The following ANKRD26 variants were observed in gnomAD, a reference collection of about 807,000 sequenced individuals.
ANKRD26 encodes ankyrin repeat domain-containing protein 26.
A neutral mutation model predicts 208.7 loss-of-function variants in ANKRD26; 141 were observed. The ratio of observed to expected loss-of-function variants is 0.68; its 90% CI spans 0.59 to 0.78. The LOEUF (loss-of-function observed/expected upper bound fraction) is 0.78. ANKRD26 is among the 30% of genes least tolerant of loss of function. ANKRD26 has a pLI of 0.00. For synonymous variants in ANKRD26, 636 were observed against 660.4 expected (o/e 0.96, Z 0.57); for missense variants, 1,889 against 1,938.7 (o/e 0.97, Z 0.48).
chr10:27,017,590 C>T lies in ANKRD26; in HGVS notation c.4418G>A (p.Gly1473Asp), dbSNP rs766658322. The T allele has an allele frequency of 5.0e-6, 8 of 1,613,672 alleles. No individual in the cohort carries two copies. The South Asian group carries it at 6.6e-5, about 13-fold the overall frequency. ...CTCCTGTTTATACTGTTTGACTTGA[C>T]CAAGTTCTACCATATTCCTTTCTAT... ...SHIERNMVEL[G>D]QVKQYKQEIE... The change falls in exon 30 of 34, where the codon GGT becomes GAT. Residue 1473 changes from glycine to aspartate, a missense_variant. Around this residue, in one of 3 missense-constraint regions of ANKRD26, gnomAD observed 613 missense variants for 648.2 expected, o/e 0.95. Transcript: ENST00000376087.
At chr10:27,058,859 A>G (rs1031501795) in intron 15 of ANKRD26, among the ~76,000 whole-genome samples, 2 of 151,744 alleles carry the variant, frequency 1.3e-5, no homozygotes, top group Non-Finnish European at 2.9e-5. Context: ...TATAGGCGTG[A>G]GGCACCGCGC....
chr10:27,049,766 T>C (rs957948030), intron 16 of ANKRD26, among the ~76,000 whole-genome samples: 5 of 152,218 alleles, frequency 3.3e-5, no homozygotes, highest in African/African-American at 1.2e-4. Context: ...TGGCATTATC[T>C]AGCACTTTAT....
chr10:26,992,317 C>A (rs2052501235), intron 5 of ANKRD26, among the ~76,000 whole-genome samples: 1 of 152,020 alleles, frequency 6.6e-6, no homozygotes, highest in African/African-American at 2.4e-5. Context: ...AAATAAGTCT[C>A]TGGTTTCAGG....
rs115497871 is a variant in ANKRD26, at chr10:26,993,503, T to C, written c.*30-1498A>G. ...TAATAAAGGGGTGATTCAGTTAAAC[T>C]AATCACAAATTTTGCAGTATCTCAT... On this transcript the variant is annotated intron_variant, in intron 5 of 5. Transcript: ENST00000445828. 4.5e-3 allele frequency among the ~76,000 whole-genome samples: 689 copies of C among 152,320 alleles called. 4 individuals are homozygous for C. The highest frequency in any genetic ancestry group is 0.016 in the African/African-American group (645 of 41,574).
intron 3 of ANKRD26, among the ~76,000 whole-genome samples, chr10:26,983,251 C>T (rs2134630407): frequency 6.6e-6 from 1 of 152,220 alleles, no homozygotes; most frequent in Middle Eastern, 3.4e-3. Flanking sequence ...GCTGAGTAAT[C>T]ATACCATTGG....
chr10:26,964,364 ACCACACCCTTCT>A, the ANKRD26 span, among the ~76,000 whole-genome samples: 2 of 152,150 alleles, frequency 1.3e-5, no homozygotes, highest in Non-Finnish European at 2.9e-5. Flanking sequence ...GCAGGACAAC[ACCACACCCTTCT>A]CCACATCCAT....
Position 27,004,418 on chromosome 10 carries a change from T to A in ANKRD26, c.*1172A>T, listed in dbSNP as rs1414394573. On this transcript the variant is annotated 3_prime_UTR_variant, in exon 34 of 34. Transcript: ENST00000376087. ...TACAAGCAAATGAATAAATTGAGGGTTCGATGGGGAGTAGAGATATGTACA... is the reference window on the plus strand; with the variant it reads ...TACAAGCAAATGAATAAATTGAGGGATCGATGGGGAGTAGAGATATGTACA... The A allele has an allele frequency of 6.6e-6, 1 of 151,824 alleles. No homozygotes were observed. The highest frequency in any genetic ancestry group is 1.5e-5 in the Non-Finnish European group (1 of 67,956). 9.4% of individuals were successfully genotyped at this position (151,824 alleles called of 1,614,324 possible).
At chr10:26,974,341 ATTTTT>A (rs5783993) in exon 6 of ANKRD26, among the ~76,000 whole-genome samples, 12 of 129,320 alleles carry the variant, frequency 9.3e-5, no homozygotes, top group Admixed American at 6.2e-4. Flanking sequence ...TTACTTCTGC[ATTTTT>A]TTTTTTTTTT....
intron 1 of ANKRD26, among the ~76,000 whole-genome samples, chr10:27,095,675 T>A (rs1219332200): frequency 6.6e-6 from 1 of 151,988 alleles, no homozygotes; most frequent in Non-Finnish European, 1.5e-5. Flanking sequence ...CTCAAAAAAA[T>A]AAATAAATAA....
chr10:27,053,465 A>C, intron 15 of ANKRD26, 75 bp from the exon 16 acceptor site: 1 of 953,340 alleles, frequency 1.0e-6, no homozygotes, highest in South Asian at 1.7e-5. Flanking sequence ...TTACAGAAAT[A>C]GAAAATAATA....
At chr10:26,963,899 G>T in the ANKRD26 span, among the ~76,000 whole-genome samples, 1 of 93,338 alleles carries the variant, frequency 1.1e-5, no homozygotes, top group Non-Finnish European at 2.2e-5. Flanking sequence ...TGGATGGTTG[G>T]TTGGTTTTTT....
At chr10:27,038,724 AAAG>A in intron 21 of ANKRD26, among the ~76,000 whole-genome samples, 1 of 152,280 alleles carries the variant, frequency 6.6e-6, no homozygotes, top group Non-Finnish European at 1.5e-5. Context: ...AACTAACTAA[AAAG>A]AAGTTAGTTT....
downstream of ANKRD26, among the ~76,000 whole-genome samples, chr10:26,990,392 T>C (rs1021805807): frequency 5.3e-4 from 80 of 152,142 alleles, no homozygotes; most frequent in African/African-American, 1.9e-3. Context: ...AAACTAAATT[T>C]AAACAAGTTG....
intron 31 of ANKRD26, among the ~76,000 whole-genome samples, chr10:27,013,351 T>C (rs570789461): frequency 6.6e-6 from 1 of 152,120 alleles, no homozygotes; most frequent in East Asian, 1.9e-4. Context: ...TCAAGCAAAG[T>C]AGGGAAGGGA....
intron 16 of ANKRD26, 89 bp downstream of exon 16, chr10:27,053,231 G>T: frequency 1.1e-6 from 1 of 934,026 alleles, no homozygotes; most frequent in Non-Finnish European, 1.7e-6. Context: ...TAAAAGGCTA[G>T]TCTGAAAAGT....
intron 31 of ANKRD26, among the ~76,000 whole-genome samples, chr10:27,013,355 G>T (rs533175865): frequency 6.6e-6 from 1 of 152,262 alleles, no homozygotes; most frequent in South Asian, 2.1e-4. Flanking sequence ...GCAAAGTAGG[G>T]AAGGGAAGAA....
intron 3 of ANKRD26, among the ~76,000 whole-genome samples, chr10:26,985,722 C>A (rs2052375537): frequency 6.6e-6 from 1 of 152,024 alleles, no homozygotes; most frequent in South Asian, 2.1e-4. Context: ...ATGGGTCACC[C>A]CAAGAAGGTT....
At position 27,064,081 on chromosome 10, in the gene ANKRD26, T is replaced by C. The variant is rs375245929; in HGVS notation, c.1270A>G (p.Ser424Gly). Residue 424 changes from serine to glycine, a missense_variant and splice_region_variant, in exon 12 of 34, where the codon AGT becomes GGT. Transcript: ENST00000376087. ...TTCTGTGGAAAATTCTCAGAGATAC[T>C]CTGTTAAAATTAGTATCAATAATGA... is the stretch of plus-strand genomic sequence containing the variant. ...EDIESPWDSE[S>G]ISENFPQKYV... The C allele has an allele frequency of 4.4e-6, 7 of 1,599,996 alleles. No homozygotes were observed. In the East Asian group the frequency reaches 8.9e-5, roughly 20 times the overall value.
chr10:27,066,682 G>T, intron 10 of ANKRD26, 134 bp from the exon 11 acceptor site: 1 of 600,320 alleles, frequency 1.7e-6, no homozygotes, highest in Non-Finnish European at 2.6e-6. Flanking sequence ...AGCAAAAAAA[G>T]AATTTCACAA....
Sources: gnomAD v4.1 joint callset for allele counts (sites outside exome capture counted in the v4.1 genomes callset) on GRCh38, gnomAD v4.1.1 for gene constraint, gnomAD v4.1.1 regional missense constraint, MANE v1.5 for transcripts, NCBI Gene and HGNC (gene_info 2026-07-23, HGNC 2026-07-21) for gene names.